Variants in EPHX3 observed in about 807,000 individuals in gnomAD.
EPHX3 encodes abhydrolase domain containing 9.
A neutral mutation model predicts 40.2 loss-of-function variants in EPHX3; 39 were observed. The observed-to-expected ratio is 0.97, with a 90% CI of 0.75 to 1.27. The LOEUF (loss-of-function observed/expected upper bound fraction) is 1.27, where lower values mean the gene tolerates loss of function less well. EPHX3 is among the 50% of genes most tolerant of loss of function. The pLI, the probability that EPHX3 is intolerant of heterozygous loss-of-function variation, is 0.00. For synonymous variants in EPHX3, 213 were observed against 209.7 expected (o/e 1.02, Z -0.14); for missense variants, 442 against 474.0 (o/e 0.93, Z 0.63).
At chr19:15,229,823 G>C (rs1214232578) in intron 4 of EPHX3, among the ~76,000 whole-genome samples, 2 of 132,538 alleles carry the variant, frequency 1.5e-5, no homozygotes, top group Non-Finnish European at 1.6e-5. Flanking sequence ...GGAGGCGGAG[G>C]TTGCAGTGAA....
At chr19:15,227,697 G>A (rs1386923045) in intron 6 of EPHX3, 35 bp from the exon 7 acceptor site, 1 of 1,611,274 alleles carries the variant, frequency 6.2e-7, no homozygotes, top group South Asian at 1.1e-5. Flanking sequence ...CAGACAGACA[G>A]GCAGAAGGAT....
At position 15,231,825 on chromosome 19, in the gene EPHX3, G is replaced by A. The variant is rs752531779; in HGVS notation, c.280C>T (p.Arg94Ter). The A allele has an allele frequency of 3.7e-6, 6 of 1,613,858 alleles. No individual in the cohort carries two copies. The highest frequency in any genetic ancestry group is 2.2e-5 in the South Asian group (2 of 91,074). ...AACAGCATGAGGGGTCCGTTACCTC[G>A]TCCAGCCGAGACATAGTGCAGACGC... ...GLRLHYVSAGRGNGPLMLFLH... is the reference protein window; with the variant it reads ...GLRLHYVSAG The change falls in exon 2 of 7, where the codon CGA becomes TGA. Residue 94 changes from arginine (R) to a stop codon, truncating the protein, a stop_gained. Coordinates refer to ENST00000221730, the MANE Select transcript of EPHX3 (RefSeq NM_024794.3). LOFTEE classifies it high-confidence loss of function.
At chr19:15,236,791 C>T, upstream of EPHX3, 1 of 178,118 alleles carries the variant, frequency 5.6e-6, no homozygotes, top group African/African-American at 2.4e-5. Context: ...CTGGGCCTAG[C>T]CTAGGCAACA....
At chr19:15,229,907 A>AG (rs2047141525) in intron 4 of EPHX3, among the ~76,000 whole-genome samples, 1 of 140,184 alleles carries the variant, frequency 7.1e-6, no homozygotes, top group Non-Finnish European at 1.5e-5. Context: ...AAAAAAAAAA[A>AG]AAAAGAAAAG....
upstream of EPHX3, among the ~76,000 whole-genome samples, chr19:15,234,533 G>A (rs963984577): frequency 3.9e-5 from 6 of 152,072 alleles, no homozygotes; most frequent in African/African-American, 1.4e-4. Flanking sequence ...TCAAACTCCT[G>A]GCCTCAAGCA....
upstream of EPHX3, among the ~76,000 whole-genome samples, chr19:15,234,014 T>C (rs1244356886): frequency 2.0e-5 from 3 of 149,616 alleles, no homozygotes; most frequent in African/African-American, 5.0e-5. Context: ...GAGCTGAGAT[T>C]GCGCCACTGC....
chr19:15,229,150 C>T (rs1047089315), intron 4 of EPHX3, among the ~76,000 whole-genome samples: 1 of 151,900 alleles, frequency 6.6e-6, no homozygotes, highest in Non-Finnish European at 1.5e-5. Context: ...GAAGCCAAGG[C>T]GGGTGGATCA....
chr19:15,229,910 AAG>A (rs1290161804), intron 4 of EPHX3, among the ~76,000 whole-genome samples: 21 of 140,378 alleles, frequency 1.5e-4, no homozygotes, highest in African/African-American at 5.5e-4. Context: ...AAAAAAAAAA[AAG>A]AAAAGAAAAG....
chr19:15,232,156 A>T lies in EPHX3; in HGVS notation c.56T>A (p.Leu19Gln), dbSNP rs367941019. 44 of 1,528,368 alleles carry T rather than the reference A, an allele frequency of 2.9e-5. No individual in the cohort carries two copies. In the South Asian group the frequency reaches 5.2e-4, roughly 18 times the overall value. The allele number at this position is 1,528,368 out of a possible 1,614,324, so 94.7% of individuals were successfully genotyped here. The part of the protein sequence containing the change: ...LLAPSRLSLK[L>Q]LRAFMWSLVF... Reference sequence around the variant, plus strand: ...CAGGCTCCACATGAAGGCGCGCAGCAGCTTCAGCGACAGGCGCGACGGCGC... The same window carrying T: ...CAGGCTCCACATGAAGGCGCGCAGCTGCTTCAGCGACAGGCGCGACGGCGC... Residue 19 changes from leucine (L) to glutamine (Q), a missense_variant, in exon 1 of 7, where the codon CTG becomes CAG. Transcript: ENST00000221730.
chr19:15,228,151 C>A (rs377752161), intron 4 of EPHX3, 51 bp from the exon 5 acceptor site: 5 of 1,419,486 alleles, frequency 3.5e-6, no homozygotes, highest in African/African-American at 1.4e-5. Context: ...CTGGGGTGGC[C>A]CCATACACCT....
At position 15,232,019 on chromosome 19, in the gene EPHX3, C is replaced by G; in HGVS notation, c.193G>C (p.Ala65Pro). 1 of 1,598,938 alleles carries G rather than the reference C, an allele frequency of 6.3e-7. No homozygotes were observed. The highest frequency in any genetic ancestry group is 1.1e-5 in the South Asian group (1 of 90,576). The change falls in exon 1 of 7, where the codon GCC (alanine) becomes CCC (proline). Residue 65 changes from alanine (A) to proline (P), a missense_variant. Ala to Pro is a conservative substitution (Grantham distance 27). Coordinates refer to ENST00000221730, the MANE Select transcript of EPHX3 (RefSeq NM_024794.3). ...CCCAGCGAGGGGTCGCTCAGGCAGGCGGGGGACGCGCTCCGACGGCGCCCG... is the reference window on the plus strand; with the variant it reads ...CCCAGCGAGGGGTCGCTCAGGCAGGGGGGGGACGCGCTCCGACGGCGCCCG... ...CCGRRRSASP[A>P]CLSDPSLGEH...
upstream of EPHX3, chr19:15,236,168 G>A (rs1473828858): frequency 1.3e-5 from 2 of 152,206 alleles, no homozygotes; most frequent in Admixed American, 6.5e-5. Flanking sequence ...GGGGATGTAG[G>A]AGAATAAACA....
Position 15,231,871 on chromosome 19 carries a change from G to A in EPHX3, c.244-10C>T. The A allele has an allele frequency of 6.2e-7, 1 of 1,613,636 alleles. No individual in the cohort carries two copies. Among genetic ancestry groups the A allele is most frequent in the South Asian group, 1.1e-5 (1 of 91,076 alleles). ...GACGCAGGCCCGAGCTCTAGGGGGA[G>A]GGCACAGCCTGAAGCCTGGGGAACC... On this transcript the variant is annotated splice_polypyrimidine_tract_variant and intron_variant, in intron 1 of 6. Coordinates refer to ENST00000221730, the MANE Select transcript of EPHX3 (RefSeq NM_024794.3).
chr19:15,230,685 G>T (rs1158231452), intron 4 of EPHX3, among the ~76,000 whole-genome samples: 2 of 150,992 alleles, frequency 1.3e-5, no homozygotes, highest in Non-Finnish European at 3.0e-5. Context: ...GACAGTTGGG[G>T]TCTTGCTATG....
chr19:15,227,981 C>T lies in EPHX3; in HGVS notation c.720+16G>A, dbSNP rs2047125494. ...CGACCTGCTTCCCTCCTCCCTTCAACCTGCACCCTCTGTACCTGAAAGTCA... is the reference window on the plus strand; with the variant it reads ...CGACCTGCTTCCCTCCTCCCTTCAATCTGCACCCTCTGTACCTGAAAGTCA... On this transcript the variant is annotated intron_variant, in intron 5 of 6. Coordinates refer to ENST00000221730, the MANE Select transcript of EPHX3 (RefSeq NM_024794.3). The T allele has an allele frequency of 3.7e-6, 6 of 1,614,102 alleles. No individual in the cohort carries two copies. Among genetic ancestry groups the T allele is most frequent in the Non-Finnish European group, 4.2e-6 (5 of 1,180,004 alleles).
intron 2 of EPHX3, 51 bp downstream of exon 2, chr19:15,231,725 T>C (rs747420661): frequency 1.3e-6 from 2 of 1,589,970 alleles, no homozygotes; most frequent in Non-Finnish European, 1.7e-6. Context: ...GAGCCCAAGC[T>C]CCACCTGCCC....
At position 15,231,346 on chromosome 19, in the gene EPHX3, A is replaced by G; in HGVS notation, c.380T>C (p.Val127Ala). The G allele has an allele frequency of 6.2e-7, 1 of 1,613,962 alleles. No homozygotes were observed. The highest frequency in any genetic ancestry group is 8.5e-7 in the Non-Finnish European group (1 of 1,180,010). The change falls in exon 3 of 7, where the codon GTG becomes GCG. Residue 127 changes from valine to alanine, a missense_variant. Transcript: ENST00000221730. ...LREFQSRFHVVAVDLRGYGPS... is the reference protein window; with the variant it reads ...LREFQSRFHVAAVDLRGYGPS... ...GCCATAGCCTCGCAAGTCCACAGCC[A>G]CAACATGGAAGCGGCTCTGGAACTC...
At chr19:15,233,544 G>T (rs2047169779), upstream of EPHX3, 1 of 152,352 alleles carries the variant, frequency 6.6e-6, no homozygotes, top group African/African-American at 2.4e-5. Flanking sequence ...CAAGCGACAG[G>T]TCCTGGCCCG....
chr19:15,227,160 C>T lies in EPHX3; in HGVS notation c.*277G>A, dbSNP rs149370041. 3.2e-5 allele frequency: 14 copies of T among 441,118 alleles called. No individual in the cohort carries two copies. The East Asian group carries it at 4.2e-4, about 13-fold the overall frequency. 27.3% of individuals were successfully genotyped at this position (441,118 alleles called of 1,614,324 possible). On this transcript the variant is annotated 3_prime_UTR_variant, in exon 7 of 7. Coordinates refer to ENST00000221730, the MANE Select transcript of EPHX3 (RefSeq NM_024794.3). ...AGGGAGGAGGTGGGACACTCGGTCT[C>T]GGCATCTGGCTCCACTGGAAGAGAG...
Sources: gnomAD v4.1 joint callset for allele counts (sites outside exome capture counted in the v4.1 genomes callset) on GRCh38, gnomAD v4.1.1 for gene constraint, MANE v1.5 for transcripts, NCBI Gene and HGNC (gene_info 2026-07-23, HGNC 2026-07-21) for gene names.